Variants in ANKRD44 observed in about 807,000 individuals in gnomAD.
The protein encoded by ANKRD44 is serine/threonine-protein phosphatase 6 regulatory ankyrin repeat subunit B.
ANKRD44 carries 35 observed loss-of-function variants against 116.0 expected under a neutral mutation model. The ratio of observed to expected loss-of-function variants is 0.30; its 90% CI spans 0.23 to 0.40. The LOEUF is 0.40. Ranked by LOEUF, ANKRD44 falls within the 10% of genes least tolerant of loss-of-function variation. The pLI, the probability that ANKRD44 is intolerant of heterozygous loss-of-function variation, is 1.00. For synonymous variants in ANKRD44, 435 were observed against 461.8 expected (o/e 0.94, Z 0.74); for missense variants, 1,014 against 1,242.6 (o/e 0.82, Z 2.77).
At chr2:197,131,231 G>A (rs1035685472) in intron 4 of ANKRD44, among the ~76,000 whole-genome samples, 9 of 145,066 alleles carry the variant, frequency 6.2e-5, no homozygotes, top group Admixed American at 2.1e-4. Context: ...TCGCTCTGTC[G>A]CCCAGGCTGG....
At chr2:197,001,888 G>A (rs767647247) in intron 21 of ANKRD44, 48 bp from the exon 22 acceptor site, 2 of 1,452,880 alleles carry the variant, frequency 1.4e-6, no homozygotes, top group African/African-American at 2.8e-5. Context: ...AAGAAATTTT[G>A]TTCAACCCAA....
intron 8 of ANKRD44, among the ~76,000 whole-genome samples, chr2:197,118,647 G>GAAAC (rs1553512606): frequency 6.7e-6 from 1 of 149,116 alleles, no homozygotes; most frequent in Admixed American, 6.7e-5. Context: ...GAGAAAGAAA[G>GAAAC]AAAGAAAGAA....
At chr2:197,273,629 G>A (rs1283660452) in intron 1 of ANKRD44, among the ~76,000 whole-genome samples, 1 of 152,062 alleles carries the variant, frequency 6.6e-6, no homozygotes, top group Non-Finnish European at 1.5e-5. Flanking sequence ...CAGGGCCTAG[G>A]AGCCAGGCCA....
At chr2:197,156,289 C>A (rs1157866011) in intron 2 of ANKRD44, among the ~76,000 whole-genome samples, 1 of 150,924 alleles carries the variant, frequency 6.6e-6, no homozygotes, top group Non-Finnish European at 1.5e-5. Context: ...GAGCTTGCAG[C>A]GAGTGGAGAT....
chr2:197,299,780 C>T (rs1239309504), intron 1 of ANKRD44, among the ~76,000 whole-genome samples: 2 of 152,068 alleles, frequency 1.3e-5, no homozygotes, highest in African/African-American at 2.4e-5. Flanking sequence ...CACTAAAGAA[C>T]TTATTCATGT....
At chr2:197,206,649 A>C (rs2081213115) in intron 1 of ANKRD44, among the ~76,000 whole-genome samples, 1 of 152,222 alleles carries the variant, frequency 6.6e-6, no homozygotes, top group Non-Finnish European at 1.5e-5. Context: ...TGGGAGGCAG[A>C]GATTGCAGTG....
At chr2:197,136,773 T>G (rs1266301471) in intron 3 of ANKRD44, 111 bp from the exon 4 acceptor site, 1 of 853,986 alleles carries the variant, frequency 1.2e-6, no homozygotes, top group Non-Finnish European at 1.9e-6. Context: ...CCACCACCTC[T>G]TCTTTTCTTT....
At chr2:197,270,016 G>A (rs2082853410) in intron 1 of ANKRD44, among the ~76,000 whole-genome samples, 1 of 152,124 alleles carries the variant, frequency 6.6e-6, no homozygotes, top group Non-Finnish European at 1.5e-5. Flanking sequence ...CACACTGCAG[G>A]ACATTTGCTG....
intron 8 of ANKRD44, among the ~76,000 whole-genome samples, chr2:197,117,063 T>C (rs901129019): frequency 6.6e-6 from 1 of 152,166 alleles, no homozygotes. Flanking sequence ...TCCCTAATTT[T>C]ACAGATAAAC....
intron 1 of ANKRD44, among the ~76,000 whole-genome samples, chr2:197,251,848 G>A (rs983968321): frequency 2.0e-5 from 3 of 152,180 alleles, no homozygotes; most frequent in African/African-American, 7.2e-5. Flanking sequence ...AGGCATAAAT[G>A]TCAATCTTAG....
chr2:197,014,303 C>T (rs2076348888), intron 17 of ANKRD44, among the ~76,000 whole-genome samples: 1 of 152,160 alleles, frequency 6.6e-6, no homozygotes. Flanking sequence ...AAAGCTGCCT[C>T]CTAGGGTTGC....
chr2:196,990,505 C>T (rs2075896921), intron 27 of ANKRD44: 4 of 1,227,134 alleles, frequency 3.3e-6, no homozygotes, highest in South Asian at 8.5e-5. Context: ...CTGGGGCCAT[C>T]TGTGTGACTG....
At chr2:197,220,924 C>T (rs2081571127) in intron 1 of ANKRD44, among the ~76,000 whole-genome samples, 1 of 152,152 alleles carries the variant, frequency 6.6e-6, no homozygotes, top group South Asian at 2.1e-4. Flanking sequence ...AACATACTCT[C>T]CTAAGTTAAC....
chr2:197,169,312 C>A (rs2080171011), intron 2 of ANKRD44, among the ~76,000 whole-genome samples: 2 of 152,166 alleles, frequency 1.3e-5, no homozygotes, highest in African/African-American at 4.8e-5. Context: ...TTGTTAGTAT[C>A]ATAGCACACT....
At chr2:197,169,670 GA>G (rs2080180123) in intron 2 of ANKRD44, among the ~76,000 whole-genome samples, 3 of 152,148 alleles carry the variant, frequency 2.0e-5, no homozygotes, top group South Asian at 2.1e-4. Flanking sequence ...GAACTTACTA[GA>G]AATGCAGATT....
intron 4 of ANKRD44, 84 bp from the exon 5 acceptor site, chr2:197,126,121 G>C: frequency 1.4e-6 from 2 of 1,402,692 alleles, no homozygotes; most frequent in South Asian, 1.2e-5. Flanking sequence ...CCAAACCCTG[G>C]AACTATGGAG....
intron 17 of ANKRD44, among the ~76,000 whole-genome samples, chr2:197,020,958 C>G (rs1219391024): frequency 6.6e-6 from 1 of 152,026 alleles, no homozygotes; most frequent in African/African-American, 2.4e-5. Context: ...CTCCCCCCAT[C>G]CCACGACAGG....
intron 21 of ANKRD44, among the ~76,000 whole-genome samples, chr2:196,975,625 T>A (rs13006724): frequency 0.041 from 4,346 of 106,310 alleles, 79 homozygotes; most frequent in Middle Eastern, 0.062. Flanking sequence ...TTTTTTTTTT[T>A]AAAAAAAATA....
chr2:197,165,904 A>C (rs540784428), intron 2 of ANKRD44, among the ~76,000 whole-genome samples: 1 of 152,348 alleles, frequency 6.6e-6, no homozygotes, highest in Non-Finnish European at 1.5e-5. Flanking sequence ...GGATTTTCTA[A>C]TAATTTTTAC....
Sources: gnomAD v4.1 joint callset for allele counts (sites outside exome capture counted in the v4.1 genomes callset) on GRCh38, gnomAD v4.1.1 for gene constraint, MANE v1.5 for transcripts, NCBI Gene and HGNC (gene_info 2026-07-23, HGNC 2026-07-21) for gene names.